Variants in EQTN observed in about 807,000 individuals in gnomAD.
EQTN encodes Acrosome formation associated factor.
Under a neutral mutation model 26.9 loss-of-function variants are expected in EQTN, and 29 were observed. That is an observed-to-expected ratio of 1.08 (90% confidence interval 0.80 to 1.47). The LOEUF (loss-of-function observed/expected upper bound fraction) is 1.47. Ranked by LOEUF, EQTN falls within the 40% of genes most tolerant of loss-of-function variation. EQTN has a pLI of 0.00. For missense variants in EQTN, 391 were observed against 346.1 expected (o/e 1.13, Z -1.03); for synonymous variants, 129 against 120.0 (o/e 1.07, Z -0.49).
chr9:27,285,967 T>C (rs1276344250), intron 7 of EQTN, among the ~76,000 whole-genome samples: 1 of 152,220 alleles, frequency 6.6e-6, no homozygotes, highest in Non-Finnish European at 1.5e-5. Flanking sequence ...CTAGATTCGC[T>C]TTATCCTTTC....
At position 27,292,449 on chromosome 9, in the gene EQTN, T is replaced by C; in HGVS notation, c.328A>G (p.Ile110Val). 1.9e-6 allele frequency: 3 copies of C among 1,609,278 alleles called. No homozygotes were observed. The highest frequency in any genetic ancestry group is 2.5e-6 in the Non-Finnish European group (3 of 1,177,670). Residue 110 changes from isoleucine (I) to valine (V), a missense_variant, in exon 4 of 8, where the codon ATT becomes GTT. Coordinates refer to ENST00000380032, the MANE Select transcript of EQTN (RefSeq NM_020641.3). ...TCGCTAGTAGTTGTTTCTTCTTCAA[T>C]GGTGGATTTTTCATATGTAGTTGCA... ...VNATTYEKST[I>V]EEETTTSEPS... is the part of the protein sequence containing the mutation.
At position 27,292,410 on chromosome 9, in the gene EQTN, T is replaced by G; in HGVS notation, c.367A>C (p.Asn123His). 5.0e-6 allele frequency: 8 copies of G among 1,598,466 alleles called. No homozygotes were observed. The highest frequency in any genetic ancestry group is 6.8e-6 in the Non-Finnish European group (8 of 1,168,896). ...GTAGTAATTTAAATACTTTGAATAT[T>G]TTTATGAGAGGGTTCGCTAGTAGTT... ...ETTTSEPSHK[N>H]IQRSTPNVPA... The change falls in exon 4 of 8, where the codon AAT becomes CAT. Residue 123 changes from asparagine (N) to histidine (H), a missense_variant. Asn to His is a moderately conservative substitution (Grantham distance 68). Transcript: ENST00000380032.
rs762361938 is a variant in EQTN at position 27,286,284 on chromosome 9, G to T, written c.560C>A (p.Ser187Ter). The T allele has an allele frequency of 1.9e-6, 3 of 1,612,684 alleles. No homozygotes were observed. The highest frequency in any genetic ancestry group is 2.5e-6 in the Non-Finnish European group (3 of 1,179,416). Residue 187 changes from serine to a stop codon, truncating the protein, a stop_gained, in exon 7 of 8, where the codon TCG (serine) becomes TAG (stop). Transcript: ENST00000380032. LOFTEE classifies it high-confidence loss of function. The stretch of plus-strand genomic sequence containing the variant: ...CACAAAGAGGAGGAGGGTCATCAAC[G>T]AGATTCCCAGCATTATTTTGATCTT... ...DLKIKIMLGISLMTLLLFVVL... is the reference protein window; with the variant it reads ...DLKIKIMLGI
intron 7 of EQTN, among the ~76,000 whole-genome samples, 161 bp from the exon 8 acceptor site, chr9:27,285,133 CTTTTTTTTTTTTTTTTT>C (rs201723057): frequency 3.9e-5 from 3 of 77,084 alleles, no homozygotes; most frequent in Non-Finnish European, 6.9e-5. Context: ...TTTTCTTTTC[CTTTTTTTTTTTTTTTTT>C]TTTTTTTTTT....
chr9:27,285,097 A>AACAC, intron 7 of EQTN, 125 bp from the exon 8 acceptor site: 1 of 540,584 alleles, frequency 1.8e-6, no homozygotes, highest in Non-Finnish European at 3.1e-6. Flanking sequence ...ACTTAGTAAC[A>AACAC]TTATGTGAAT....
chr9:27,294,832 A>G (rs1289087378), intron 2 of EQTN, among the ~76,000 whole-genome samples: 1 of 152,180 alleles, frequency 6.6e-6, no homozygotes, highest in African/African-American at 2.4e-5. Context: ...TTTGATAACA[A>G]TTAAGGTCCC....
rs1229755629 is a variant in EQTN, at chr9:27,289,719, G to C, written c.434C>G (p.Thr145Arg). Residue 145 changes from threonine (T) to arginine (R), a missense_variant, in exon 6 of 8, where the codon ACA becomes AGA. Coordinates refer to ENST00000380032, the MANE Select transcript of EQTN (RefSeq NM_020641.3). ...ATCTTTATCATCCATGACCACTGCTGTTCCATTTATAGCTGTTAAAACAAA... is the reference window on the plus strand; with the variant it reads ...ATCTTTATCATCCATGACCACTGCTCTTCCATTTATAGCTGTTAAAACAAA... ...WTMLAKAING[T>R]AVVMDDKDQL... 1.2e-6 allele frequency: 2 copies of C among 1,604,750 alleles called. No individual in the cohort carries two copies. Among genetic ancestry groups the C allele is most frequent in the East Asian group, 2.2e-5 (1 of 44,668 alleles).
intron 3 of EQTN, among the ~76,000 whole-genome samples, chr9:27,293,307 C>A (rs1393587229): frequency 1.3e-5 from 2 of 152,178 alleles, no homozygotes; most frequent in Non-Finnish European, 2.9e-5. Context: ...TTAAATTCTG[C>A]TTTGCAACCC....
intron 3 of EQTN, among the ~76,000 whole-genome samples, chr9:27,293,596 T>C (rs936380500): frequency 6.6e-6 from 1 of 152,152 alleles, no homozygotes; most frequent in Non-Finnish European, 1.5e-5. Context: ...TTTCGCAGTC[T>C]CTTCCTTGGG....
Position 27,291,035 on chromosome 9 carries a change from C to T in EQTN, c.405G>A (p.Trp135Ter), listed in dbSNP as rs1191315569. The change falls in exon 5 of 8, where the codon TGG (tryptophan) becomes TGA (stop). Residue 135 changes from tryptophan to a stop codon, truncating the protein, a stop_gained. Coordinates refer to ENST00000380032, the MANE Select transcript of EQTN (RefSeq NM_020641.3). LOFTEE classifies it high-confidence loss of function. Reference protein sequence around the residue: ...QRSTPNVPAFWTMLAKAINGT... With the variant: ...QRSTPNVPAF ...TGACTTTACCTTTAGCTAACATTGT[C>T]CAAAATGCAGGCACGTTTGGGGTTG... The T allele has an allele frequency of 9.3e-6, 15 of 1,611,970 alleles. No homozygotes were observed. The highest frequency in any genetic ancestry group is 1.2e-5 in the Non-Finnish European group (14 of 1,179,414).
intron 6 of EQTN, among the ~76,000 whole-genome samples, chr9:27,288,071 G>T (rs1175834342): frequency 6.6e-6 from 1 of 152,176 alleles, no homozygotes; most frequent in East Asian, 1.9e-4. Flanking sequence ...CTCCCAAAGT[G>T]CTGGGATTAC....
In EQTN at chr9:27,286,837, A is replaced by G. The variant is rs7024155; in HGVS notation, c.482-475T>C. The stretch of plus-strand genomic sequence containing the variant: ...CATACACTGATTTTTCTTTTAAGCT[A>G]AAAGGGTGGTATAGTGAATGCTTCC... On this transcript the variant is annotated intron_variant, in intron 6 of 7. Transcript: ENST00000380032. Among the ~76,000 whole-genome samples the G allele has an allele frequency of 6.6e-3, 1,003 of 152,300 alleles. 11 individuals carry two copies. Among genetic ancestry groups the G allele is most frequent in the African/African-American group, 0.023 (973 of 41,554 alleles).
chr9:27,291,286 C>T (rs980382787), intron 4 of EQTN, among the ~76,000 whole-genome samples: 5 of 152,190 alleles, frequency 3.3e-5, no homozygotes, highest in African/African-American at 1.2e-4. Flanking sequence ...AGAATCATTG[C>T]TGCTTATGTA....
intron 4 of EQTN, 70 bp downstream of exon 4, chr9:27,292,331 G>T: frequency 9.7e-7 from 1 of 1,030,818 alleles, no homozygotes. Flanking sequence ...GCTCAGAGTA[G>T]TGAAACTTAA....
At chr9:27,295,278 CAA>C (rs1480388909) in intron 2 of EQTN, among the ~76,000 whole-genome samples, 2 of 152,124 alleles carry the variant, frequency 1.3e-5, no homozygotes, top group East Asian at 3.9e-4. Context: ...AAAAATAAAA[CAA>C]AGTCACAACC....
At chr9:27,286,743 C>A (rs1472781860) in intron 6 of EQTN, among the ~76,000 whole-genome samples, 5 of 152,138 alleles carry the variant, frequency 3.3e-5, no homozygotes, top group Admixed American at 3.3e-4. Flanking sequence ...GATTATTATT[C>A]AAAACGATTG....
At position 27,285,307 on chromosome 9, in the gene EQTN, C is replaced by T. The variant is rs1004811275; in HGVS notation, c.636-335G>A. 2.6e-5 allele frequency among the ~76,000 whole-genome samples: 4 copies of T among 151,890 alleles called. No homozygotes were observed. In the East Asian group the frequency reaches 5.8e-4, roughly 22 times the overall value. ...TACAGGCATGCGCCACTATGCCCAG[C>T]TAATTTTTGTATTTTTAGTAGAGAC... On this transcript the variant is annotated intron_variant, in intron 7 of 7. Transcript: ENST00000380032.
intron 7 of EQTN, among the ~76,000 whole-genome samples, chr9:27,285,916 C>T (rs1308242775): frequency 3.9e-5 from 6 of 152,140 alleles, no homozygotes; most frequent in African/African-American, 1.2e-4. Flanking sequence ...CTATTCAGAA[C>T]AAAATATATT....
At chr9:27,295,047 G>A (rs1378595187) in intron 2 of EQTN, among the ~76,000 whole-genome samples, 6 of 152,054 alleles carry the variant, frequency 3.9e-5, no homozygotes, top group Admixed American at 1.3e-4. Flanking sequence ...ATACACACAC[G>A]AATGTATGTG....
Sources: allele counts gnomAD v4.1 joint callset (sites outside exome capture counted in the v4.1 genomes callset), GRCh38; gene constraint gnomAD v4.1.1; transcripts MANE v1.5; gene names NCBI Gene and HGNC (gene_info 2026-07-23, HGNC 2026-07-21).